The following COL6A3 variants were observed in gnomAD, a reference collection of about 807,000 sequenced individuals.
The protein encoded by COL6A3 is collagen alpha-3(VI) chain.
A neutral mutation model predicts 274.1 loss-of-function variants in COL6A3; 137 were observed. The ratio of observed to expected loss-of-function variants is 0.50; its 90% confidence interval spans 0.44 to 0.58. The LOEUF is 0.58. Ranked by LOEUF, COL6A3 falls within the 20% of genes least tolerant of loss-of-function variation. The pLI, the probability that COL6A3 is intolerant of heterozygous loss-of-function variation, is 0.00. For missense variants in COL6A3, 3,950 were observed against 4,124.9 expected, an observed-to-expected ratio of 0.96 and a Z score of 1.16; for synonymous variants, 1,650 against 1,650.6, an observed-to-expected ratio of 1.00 and a Z score of 0.01.
rs1453399397 is a variant in COL6A3, at chr2:237,387,711, C to T, written c.1183G>A (p.Asp395Asn). 3.7e-6 allele frequency: 6 copies of T among 1,613,980 alleles called. No homozygotes were observed. Among genetic ancestry groups the T allele is most frequent in the South Asian group, 2.2e-5 (2 of 91,026 alleles). The change falls in exon 4 of 44, where the codon GAT (aspartate) becomes AAT (asparagine). Residue 395 changes from aspartate to asparagine, a missense_variant. Physicochemically the swap from Asp to Asn is conservative, Grantham distance 23. This residue lies in a region of COL6A3 where 1,934 missense variants were observed against 1,984.3 expected (regional missense o/e 0.97). Coordinates refer to ENST00000295550, the MANE Select transcript of COL6A3 (RefSeq NM_004369.4). ...SRAELQHIAT[D>N]DNLVFTVPEF... Reference sequence around the variant, plus strand: ...GGGACAGTAAACACCAAGTTGTCATCGGTAGCTATGTGCTGAAGCTCTGCC... The same window carrying T: ...GGGACAGTAAACACCAAGTTGTCATTGGTAGCTATGTGCTGAAGCTCTGCC...
intron 1 of COL6A3, among the ~76,000 whole-genome samples, chr2:237,402,586 C>T (rs745322493): frequency 9.9e-5 from 15 of 152,056 alleles, no homozygotes; most frequent in East Asian, 3.9e-4. Context: ...GTCTACATGC[C>T]GCTGTATTCA....
In COL6A3 at chr2:237,340,780, G is replaced by A; in HGVS notation, c.8136C>T (p.Thr2712=). The A allele has an allele frequency of 6.2e-7, 1 of 1,614,160 alleles. No individual in the cohort carries two copies. The highest frequency in any genetic ancestry group is 8.5e-7 in the Non-Finnish European group (1 of 1,180,036). ...ATTCAATGGCACTGCCTAAGGCCCT[G>A]GTTCCCTGCAACTGTGTCATTCCCC... ...LSRGMTQLQG[T]RALGSAIEYT... The change falls in exon 38 of 44, where the codon ACC becomes ACT. Residue 2712 remains threonine, a synonymous_variant. Transcript: ENST00000295550.
At chr2:237,359,974 T>A in intron 17 of COL6A3, 114 bp downstream of exon 17, 1 of 1,093,750 alleles carries the variant, frequency 9.1e-7, no homozygotes, top group South Asian at 1.3e-5. Flanking sequence ...CACGGGCTGC[T>A]GAATGCTGAG....
At position 237,370,491 on chromosome 2, in the gene COL6A3, C is replaced by G. The variant is rs539766057; in HGVS notation, c.4285+1241G>C. Among the ~76,000 whole-genome samples, 20 of 152,290 alleles carry G rather than the reference C, an allele frequency of 1.3e-4. No homozygotes were observed. In the South Asian group the frequency reaches 4.1e-3, roughly 32 times the overall value. The stretch of plus-strand genomic sequence containing the variant: ...TGGCCTCATGATCAGCCCACCTCGG[C>G]CTCCCAAAGTGCTGGGATTACAGGC... On this transcript the variant is annotated intron_variant, in intron 9 of 43. Coordinates refer to ENST00000295550, the MANE Select transcript of COL6A3 (RefSeq NM_004369.4).
At chr2:237,325,007 C>T (rs1189746651) in intron 43 of COL6A3, among the ~76,000 whole-genome samples, 193 bp from the exon 44 acceptor site, 3 of 152,082 alleles carry the variant, frequency 2.0e-5, no homozygotes, top group Non-Finnish European at 4.4e-5. Flanking sequence ...CCTGGGGCCC[C>T]GGGGCCCAGG....
In COL6A3 at chr2:237,350,141, C is replaced by T. The variant is rs1453463951; in HGVS notation, c.6879+6G>A. On this transcript the variant is annotated splice_donor_region_variant and intron_variant, in intron 28 of 43. Transcript: ENST00000295550. ...CAGCCTGACCCCAAGCGCGCTGTGACCTTACCGTCTCCCCACGAGGGCCCC... is the reference window on the plus strand; with the variant it reads ...CAGCCTGACCCCAAGCGCGCTGTGATCTTACCGTCTCCCCACGAGGGCCCC... 2 of 1,614,024 alleles carry T rather than the reference C, an allele frequency of 1.2e-6. No individual in the cohort carries two copies. The highest frequency in any genetic ancestry group is 4.5e-5 in the East Asian group (2 of 44,882).
At position 237,344,140 on chromosome 2, in the gene COL6A3, A is replaced by G. The variant is rs911437187; in HGVS notation, c.7668+210T>C. On this transcript the variant is annotated intron_variant, in intron 36 of 43. Coordinates refer to ENST00000295550, the MANE Select transcript of COL6A3 (RefSeq NM_004369.4). This position sits in a 1 kb window ranked among gnomAD's most constrained non-coding sequence, Gnocchi z 4.8. ...AACATGTGAGGAGGGACCTGGGGGCAGTGCTACAAGCATGTAGGCGTCCCT... is the reference window on the plus strand; with the variant it reads ...AACATGTGAGGAGGGACCTGGGGGCGGTGCTACAAGCATGTAGGCGTCCCT... The G allele has an allele frequency of 5.7e-6, 4 of 704,244 alleles. No homozygotes were observed. In the African/African-American group the frequency reaches 7.0e-5, roughly 12 times the overall value. The allele number at this position is 704,244 out of a possible 1,614,324, so 43.6% of individuals were successfully genotyped here.
intron 39 of COL6A3, among the ~76,000 whole-genome samples, chr2:237,338,179 G>T (rs1291265280): frequency 1.3e-5 from 2 of 152,182 alleles, no homozygotes; most frequent in Non-Finnish European, 2.9e-5. Context: ...ATAGAACGTG[G>T]CAGAAGTAAC....
In COL6A3 at chr2:237,339,086, G is replaced by A. The variant is rs1475363390; in HGVS notation, c.8496C>T (p.Ile2832=). Residue 2832 remains isoleucine, a synonymous_variant, in exon 39 of 44, where the codon ATC becomes ATT. Coordinates refer to ENST00000295550, the MANE Select transcript of COL6A3 (RefSeq NM_004369.4). ...CTTGGAACCAATCACACTGTTTCCTGATATCTGGGGACAAGTAAAAAGCAT... is the reference window on the plus strand; with the variant it reads ...CTTGGAACCAATCACACTGTTTCCTAATATCTGGGGACAAGTAAAAAGCAT... ...SENAFYLSPD[I]RKQCDWFQGD... The A allele has an allele frequency of 6.2e-7, 1 of 1,613,900 alleles. No individual in the cohort carries two copies.
rs1359384989 is a variant in COL6A3, at chr2:237,340,696, G to C, written c.8220C>G (p.Val2740=). Residue 2740 remains valine, a synonymous_variant, in exon 38 of 44, where the codon GTC becomes GTG. Transcript: ENST00000295550. ...CCGGCACCTCGCCCGTCAGCATCAG[G>C]ACCACAATTTTCAGGTCCCGTGGGT... ...APNPRDLKIV[V]LMLTGEVPEQ... The C allele has an allele frequency of 6.2e-7, 1 of 1,614,164 alleles. No individual in the cohort carries two copies.
In COL6A3 at chr2:237,353,380, C is replaced by T; in HGVS notation, c.6651G>A (p.Gln2217=). The change falls in exon 25 of 44, where the codon CAG becomes CAA. Residue 2217 remains glutamine, a synonymous_variant. Coordinates refer to ENST00000295550, the MANE Select transcript of COL6A3 (RefSeq NM_004369.4). ...GAKGNKGGPG[Q]PGFEGEQGTR... ...TCCCCTGCTCTCCCTCAAAGCCCGG[C>T]TGGCCAGGACCGCCCTTGTTGCCCT... The T allele has an allele frequency of 6.2e-7, 1 of 1,614,170 alleles. No individual in the cohort carries two copies. The highest frequency in any genetic ancestry group is 8.5e-7 in the Non-Finnish European group (1 of 1,180,036).
Position 237,344,938 on chromosome 2 carries a change from T to A in COL6A3, c.7174+3A>T. 1 of 1,613,960 alleles carries A rather than the reference T, an allele frequency of 6.2e-7. No individual in the cohort carries two copies. Among genetic ancestry groups the A allele is most frequent in the Non-Finnish European group, 8.5e-7 (1 of 1,179,990 alleles). On this transcript the variant is annotated splice_donor_region_variant and intron_variant, in intron 35 of 43. Transcript: ENST00000295550. This position sits in a 1 kb window ranked among gnomAD's most constrained non-coding sequence, Gnocchi z 4.8. ...TAGGAGAAAGTCACCAAAATCAACT[T>A]ACCGTAACAGCAAGCTAGAAAAGAA...
chr2:237,375,119 T>C (rs1463853288), intron 7 of COL6A3, 99 bp from the exon 8 acceptor site: 3 of 1,554,838 alleles, frequency 1.9e-6, no homozygotes, highest in Non-Finnish European at 1.8e-6. Context: ...GATGTCCAAG[T>C]CCAAATCCCC....
intron 27 of COL6A3, 81 bp from the exon 28 acceptor site, chr2:237,350,290 G>A (rs2077178891): frequency 7.5e-7 from 1 of 1,331,826 alleles, no homozygotes; most frequent in African/African-American, 1.4e-5. Flanking sequence ...TTTGCTCTAG[G>A]TAAGGGTGCT....
intron 9 of COL6A3, among the ~76,000 whole-genome samples, chr2:237,369,604 C>T (rs2077636836): frequency 1.3e-5 from 2 of 152,192 alleles, no homozygotes; most frequent in South Asian, 4.1e-4. Flanking sequence ...AAGGTTCTCG[C>T]CTTGTCCAAG....
At chr2:237,409,935 C>A (rs2078813814) in intron 1 of COL6A3, among the ~76,000 whole-genome samples, 1 of 152,162 alleles carries the variant, frequency 6.6e-6, no homozygotes, top group Admixed American at 6.5e-5. Context: ...CCTTGTAATG[C>A]AATTGTTTGG....
At chr2:237,372,378 C>T (rs758969226) in intron 8 of COL6A3, 41 bp from the exon 9 acceptor site, 2 of 1,600,330 alleles carry the variant, frequency 1.2e-6, no homozygotes, top group East Asian at 4.5e-5. Context: ...TTCATCGTCA[C>T]CAAATTCTTA....
At chr2:237,346,708 A>AT in intron 31 of COL6A3, 143 bp from the exon 32 acceptor site, 1 of 740,260 alleles carries the variant, frequency 1.4e-6, no homozygotes, top group Non-Finnish European at 2.3e-6. Context: ...GGGAGCTAAA[A>AT]TGTCTCTTAA....
At chr2:237,383,618 A>C (rs528075966) in intron 4 of COL6A3, among the ~76,000 whole-genome samples, 7 of 152,276 alleles carry the variant, frequency 4.6e-5, no homozygotes, top group Non-Finnish European at 8.8e-5. Context: ...TGTATTTACT[A>C]TGTATATCAC....
Sources: gnomAD v4.1 joint callset for allele counts (sites outside exome capture counted in the v4.1 genomes callset) on GRCh38, gnomAD v4.1.1 for gene constraint, gnomAD v4.1.1 regional missense constraint, Gnocchi (gnomAD v3.1) non-coding constraint, MANE v1.5 for transcripts, NCBI Gene and HGNC (gene_info 2026-07-23, HGNC 2026-07-21) for gene names.